KHDRBS2: variants seen among roughly 807,000 people sequenced by gnomAD.
KHDRBS2 encodes KH RNA binding domain containing, signal transduction associated 2, also known as KH domain-containing, RNA-binding, signal transduction-associated protein 2.
In KHDRBS2, 26 loss-of-function variants were observed where a neutral mutation model predicts 44.3. The ratio of observed to expected loss-of-function variants is 0.59; its 90% CI spans 0.43 to 0.81. The LOEUF is 0.81. Ranked by LOEUF, KHDRBS2 falls within the 40% of genes least tolerant of loss-of-function variation. The pLI is 0.00. For synonymous variants in KHDRBS2, 194 were observed against 151.1 expected (o/e 1.28, Z -2.08); for missense variants, 476 against 433.1 (o/e 1.10, Z -0.88).
At chr6:61,733,186 C>T (rs1317188006) in intron 6 of KHDRBS2, among the ~76,000 whole-genome samples, 1 of 151,976 alleles carries the variant, frequency 6.6e-6, no homozygotes, top group Non-Finnish European at 1.5e-5. Context: ...CTATAAACTA[C>T]AGGATCCTTA....
At chr6:61,863,468 G>A (rs1321654151) in intron 6 of KHDRBS2, among the ~76,000 whole-genome samples, 1 of 151,906 alleles carries the variant, frequency 6.6e-6, no homozygotes, top group Non-Finnish European at 1.5e-5. Flanking sequence ...TGCTGTATCC[G>A]AGAGAATCTG....
At chr6:61,879,243 C>T (rs990492476) in intron 6 of KHDRBS2, among the ~76,000 whole-genome samples, 7 of 151,972 alleles carry the variant, frequency 4.6e-5, no homozygotes, top group African/African-American at 1.7e-4. Context: ...GCTGGTACTA[C>T]TTCACACCCA....
intron 1 of KHDRBS2, among the ~76,000 whole-genome samples, chr6:62,251,921 T>C (rs1232046712): frequency 6.6e-6 from 1 of 151,910 alleles, no homozygotes; most frequent in African/African-American, 2.4e-5. Context: ...ATAAAAATCC[T>C]ACTAAATGTT....
At chr6:61,659,679 AC>A in the KHDRBS2 span, among the ~76,000 whole-genome samples, 1 of 151,840 alleles carries the variant, frequency 6.6e-6, no homozygotes, top group East Asian at 1.9e-4. Context: ...AAATATAGTT[AC>A]AACATCTAGG....
At chr6:61,715,445 C>CTGCCTG (rs1771240085) in intron 7 of KHDRBS2, among the ~76,000 whole-genome samples, 1 of 151,888 alleles carries the variant, frequency 6.6e-6, no homozygotes, top group Non-Finnish European at 1.5e-5. Context: ...CCAACACTTT[C>CTGCCTG]AAATATCTGA....
At chr6:61,902,153 C>A (rs755664026) in intron 4 of KHDRBS2, among the ~76,000 whole-genome samples, 1 of 152,040 alleles carries the variant, frequency 6.6e-6, no homozygotes, top group Non-Finnish European at 1.5e-5. Flanking sequence ...AGGGTTTCGC[C>A]ATGTTGGCTG....
At position 62,285,999 on chromosome 6, in the gene KHDRBS2, G is replaced by A. The variant is rs745979560; in HGVS notation, c.-51C>T. ...GCGAAGCGCGAGGTTCCGCTCGCTC[G>A]GACGCAGGCAGGGTCTTGGGGCAGC... On this transcript the variant is annotated 5_prime_UTR_variant, in exon 1 of 9. Coordinates refer to ENST00000281156, the MANE Select transcript of KHDRBS2 (RefSeq NM_152688.4). 8.5e-6 allele frequency: 10 copies of A among 1,179,922 alleles called. No individual in the cohort carries two copies. The highest frequency in any genetic ancestry group is 3.8e-4 in the Middle Eastern group (2 of 5,250). The allele number at this position is 1,179,922 out of a possible 1,614,324, so 73.1% of individuals were successfully genotyped here. A position where few individuals can be genotyped will look rare whatever the true frequency, so the allele number is the denominator to read the frequency against.
At chr6:62,054,011 C>T (rs545333161) in intron 2 of KHDRBS2, among the ~76,000 whole-genome samples, 1 of 152,016 alleles carries the variant, frequency 6.6e-6, no homozygotes, top group South Asian at 2.1e-4. Flanking sequence ...GATGTTCAAA[C>T]CTTTACAGAA....
intron 4 of KHDRBS2, among the ~76,000 whole-genome samples, chr6:61,952,589 AACATAAGCT>A (rs1284005095): frequency 1.3e-5 from 2 of 152,170 alleles, no homozygotes; most frequent in South Asian, 4.1e-4. Flanking sequence ...GCCCAAACCT[AACATAAGCT>A]CATGGATTAT....
chr6:62,198,161 C>T (rs1215635942), intron 1 of KHDRBS2, among the ~76,000 whole-genome samples: 1 of 152,106 alleles, frequency 6.6e-6, no homozygotes, highest in Admixed American at 6.6e-5. Context: ...GACACCCTAA[C>T]ATCACAATTA....
chr6:61,549,715 C>T, the KHDRBS2 span, among the ~76,000 whole-genome samples: 3 of 152,012 alleles, frequency 2.0e-5, no homozygotes, highest in Admixed American at 6.6e-5. Flanking sequence ...GATTTTACAC[C>T]AAAACTTGAT....
At chr6:61,742,037 A>G (rs954877925) in intron 6 of KHDRBS2, among the ~76,000 whole-genome samples, 3 of 152,002 alleles carry the variant, frequency 2.0e-5, no homozygotes, top group African/African-American at 7.2e-5. Context: ...TAAAGTGAAA[A>G]GAGCAATAAT....
intron 4 of KHDRBS2, among the ~76,000 whole-genome samples, chr6:61,909,093 G>A (rs1399385446): frequency 6.6e-6 from 1 of 151,110 alleles, no homozygotes; most frequent in African/African-American, 2.4e-5. Context: ...TTGAGATGGG[G>A]TCTCTCTCTG....
At chr6:61,739,536 G>C (rs1216029040) in intron 6 of KHDRBS2, among the ~76,000 whole-genome samples, 1 of 151,818 alleles carries the variant, frequency 6.6e-6, no homozygotes, top group Non-Finnish European at 1.5e-5. Flanking sequence ...CAATGGTTTT[G>C]ATATGCTGGA....
At chr6:62,240,574 TATAC>T (rs1442635611) in intron 1 of KHDRBS2, among the ~76,000 whole-genome samples, 2 of 148,892 alleles carry the variant, frequency 1.3e-5, no homozygotes, top group Non-Finnish European at 3.0e-5. Context: ...TATATATACA[TATAC>T]ATATATACAT....
At chr6:61,675,487 T>C (rs1019766099), downstream of KHDRBS2, among the ~76,000 whole-genome samples, 1 of 151,724 alleles carries the variant, frequency 6.6e-6, no homozygotes, top group African/African-American at 2.4e-5. Context: ...TAAAAACTGT[T>C]AGTGCTTCAA....
intron 6 of KHDRBS2, among the ~76,000 whole-genome samples, chr6:61,734,485 G>A (rs1300185605): frequency 6.6e-6 from 1 of 151,874 alleles, no homozygotes; most frequent in Non-Finnish European, 1.5e-5. Flanking sequence ...ATATAGCTAA[G>A]TTATTGTTGT....
chr6:61,548,875 T>G, the KHDRBS2 span, among the ~76,000 whole-genome samples: 1 of 152,002 alleles, frequency 6.6e-6, no homozygotes, highest in Non-Finnish European at 1.5e-5. Flanking sequence ...CCACTACCAC[T>G]CAGGAGAGTA....
At chr6:61,662,791 C>T in the KHDRBS2 span, among the ~76,000 whole-genome samples, 7 of 151,816 alleles carry the variant, frequency 4.6e-5, no homozygotes, top group African/African-American at 1.5e-4. Context: ...AACACTTTTA[C>T]ACTGTTGGTG....
Sources: gnomAD v4.1 joint callset for allele counts (sites outside exome capture counted in the v4.1 genomes callset) on GRCh38, gnomAD v4.1.1 for gene constraint, MANE v1.5 for transcripts, NCBI Gene and HGNC (gene_info 2026-07-23, HGNC 2026-07-21) for gene names.